The following CT83 variants were observed in gnomAD, a reference collection of about 807,000 sequenced individuals.
CT83 encodes kita-kyushu lung cancer antigen 1.
CT83 carries 3 observed loss-of-function variants against 1.7 expected under a neutral mutation model. The observed-to-expected ratio is 1.76, with a 90% CI of 0.80 to 4.55. CT83 has a LOEUF of 4.55. Among genes scored for constraint, CT83 ranks in the 30% most tolerant of loss-of-function variants. CT83 has a pLI of 0.02. For synonymous variants in CT83, 35 were observed against 33.0 expected, an observed-to-expected ratio of 1.06 and a Z score of -0.20; for missense variants, 80 against 84.8, an observed-to-expected ratio of 0.94 and a Z score of 0.22.
Position 116,461,819 on chromosome X carries a change from T to A in CT83, c.264A>T (p.Glu88Asp), listed in dbSNP as rs781803198. ...TATGTTCCAGTTCAACCAGCTTGTT[T>A]TCCACCATACTGAGGTTTACCAATA... ...KRILVNLSMV[E>D]NKLVELEHTL... The change falls in exon 2 of 2, where the codon GAA (glutamate) becomes GAT (aspartate). Residue 88 changes from glutamate to aspartate, a missense_variant. By Grantham distance (45) the Glu-to-Asp change is conservative (BLOSUM62 2). Transcript: ENST00000371894. The A allele has an allele frequency of 4.1e-5, 49 of 1,209,003 alleles. No homozygotes were observed. In the Admixed American group the frequency reaches 1.0e-3, roughly 25 times the overall value.
At chrX:116,462,445 GAA>G (rs1928086056) in intron 1 of CT83, among the ~76,000 whole-genome samples, 2 of 109,410 alleles carry the variant, frequency 1.8e-5, no homozygotes, top group Non-Finnish European at 3.9e-5. Flanking sequence ...AGCAAGAGAA[GAA>G]AGAGAGAAGG....
chrX:116,462,896 C>T lies in CT83; in HGVS notation c.-40G>A, dbSNP rs782423577. 7 of 1,178,080 alleles carry T rather than the reference C, an allele frequency of 5.9e-6. No individual in the cohort carries two copies. Among genetic ancestry groups the T allele is most frequent in the South Asian group, 1.8e-5 (1 of 56,022 alleles). On this transcript the variant is annotated 5_prime_UTR_variant, in exon 1 of 2. Coordinates refer to ENST00000371894, the MANE Select transcript of CT83 (RefSeq NM_001017978.4). ...CTCTTCTCCCTTCTCGGGACGGACCCCCTCAGCTGGTAGTTGGGAAGCAGT... is the reference window on the plus strand; with the variant it reads ...CTCTTCTCCCTTCTCGGGACGGACCTCCTCAGCTGGTAGTTGGGAAGCAGT...
At position 116,461,977 on chromosome X, in the gene CT83, T is replaced by G. The variant is rs1928075259; in HGVS notation, c.106A>C (p.Thr36Pro). 1.7e-6 allele frequency: 2 copies of G among 1,208,015 alleles called. No homozygotes were observed. Among genetic ancestry groups the G allele is most frequent in the African/African-American group, 3.5e-5 (2 of 57,062 alleles). Residue 36 changes from threonine to proline, a missense_variant, in exon 2 of 2, where the codon ACT becomes CCT. Transcript: ENST00000371894. ...GAGGGTCTCACTAGTGCAAGAGCAG[T>G]TGAATTTGATGACATTTCGCCAGTG... ...RNTGEMSSNS[T>P]ALALVRPSSS...
intron 1 of CT83, among the ~76,000 whole-genome samples, chrX:116,462,266 C>A (rs782155617): frequency 1.0e-3 from 114 of 111,237 alleles, no homozygotes; most frequent in Non-Finnish European, 1.7e-3. Context: ...GGAAAGCAGC[C>A]CAGTAGGTAA....
chrX:116,462,218 T>A (rs142934837), intron 1 of CT83, among the ~76,000 whole-genome samples: 45 of 111,700 alleles, frequency 4.0e-4, no homozygotes, highest in Non-Finnish European at 7.0e-4. Context: ...TAGCCGTTAG[T>A]GACAAAGTTC....
intron 1 of CT83, among the ~76,000 whole-genome samples, 153 bp downstream of exon 1, chrX:116,462,627 TAA>T (rs1569539891): frequency 9.0e-6 from 1 of 111,012 alleles, no homozygotes; most frequent in African/African-American, 3.3e-5. Context: ...GAGTAAGCGG[TAA>T]AAGTCTGGGG....
Position 116,461,834 on chromosome X carries a change from G to T in CT83, c.249C>A (p.Asn83Lys). The change falls in exon 2 of 2, where the codon AAC becomes AAA. Residue 83 changes from asparagine (N) to lysine (K), a missense_variant. By Grantham distance (94) the Asn-to-Lys change is moderately conservative. Transcript: ENST00000371894. ...SIARQKRILV[N>K]LSMVENKLVE... ...CCAGCTTGTTTTCCACCATACTGAG[G>T]TTTACCAATATTCGCTTCTGCCTGG... 2 of 1,210,604 alleles carry T rather than the reference G, an allele frequency of 1.7e-6. No homozygotes were observed. The highest frequency in any genetic ancestry group is 2.2e-6 in the Non-Finnish European group (2 of 894,811).
Position 116,462,807 on chromosome X carries a change from A to T in CT83, c.50T>A (p.Val17Asp), listed in dbSNP as rs782531009. The change falls in exon 1 of 2, where the codon GTC becomes GAC. Residue 17 changes from valine (V) to aspartate (D), a missense_variant. Coordinates refer to ENST00000371894, the MANE Select transcript of CT83 (RefSeq NM_001017978.4). The stretch of plus-strand genomic sequence containing the variant: ...CTGAAAGCGGCGATATTTCCAGAAG[A>T]CAATCAAGGCACACAGAATGCTGCT... ...LASSILCALI[V>D]FWKYRRFQRN... 33 of 1,210,017 alleles carry T rather than the reference A, an allele frequency of 2.7e-5. No individual in the cohort carries two copies. The highest frequency in any genetic ancestry group is 3.6e-5 in the Non-Finnish European group (32 of 895,114).
chrX:116,462,765 C>T lies in CT83; in HGVS notation c.75+17G>A, dbSNP rs1556695288. On this transcript the variant is annotated intron_variant, in intron 1 of 1. Transcript: ENST00000371894. ...CTAGCTTCATCTAATTCAAATCTCC[C>T]TTACATTCACCATTACCTGAAAGCG... 3 of 1,203,362 alleles carry T rather than the reference C, an allele frequency of 2.5e-6. No individual in the cohort carries two copies. In the Admixed American group the frequency reaches 6.6e-5, roughly 26 times the overall value.
Position 116,461,912 on chromosome X carries a change from A to G in CT83, c.171T>C (p.Leu57=). ...TATCCCGAGAGAGGTCGTAGACTGC[A>G]AGATTGTTGTCTGTATTGCTGTTAA... The part of the protein sequence containing the change: ...GLINSNTDNN[L]AVYDLSRDIL... Residue 57 remains leucine, a synonymous_variant, in exon 2 of 2, where the codon CTT becomes CTC. Coordinates refer to ENST00000371894, the MANE Select transcript of CT83 (RefSeq NM_001017978.4). 1 of 1,210,604 alleles carries G rather than the reference A, an allele frequency of 8.3e-7. No homozygotes were observed. The highest frequency in any genetic ancestry group is 1.7e-5 in the African/African-American group (1 of 57,720).
In CT83 at chrX:116,462,867, C is replaced by T. The variant is rs200634429; in HGVS notation, c.-11G>A. 1.3e-5 allele frequency: 16 copies of T among 1,206,276 alleles called. No homozygotes were observed. The East Asian group carries it at 1.5e-4, about 11-fold the overall frequency. On this transcript the variant is annotated 5_prime_UTR_variant, in exon 1 of 2. Transcript: ENST00000371894. ...TAAATAGAAGTTCATGTTTCCTCTTCGGCCTCTTCTCCCTTCTCGGGACGG... is the reference window on the plus strand; with the variant it reads ...TAAATAGAAGTTCATGTTTCCTCTTTGGCCTCTTCTCCCTTCTCGGGACGG...
rs1288793734 is a variant in CT83 at position 116,462,945 on chromosome X, G to A, written c.-89C>T. On this transcript the variant is annotated 5_prime_UTR_variant, in exon 1 of 2. Coordinates refer to ENST00000371894, the MANE Select transcript of CT83 (RefSeq NM_001017978.4). ...GTGGGCCTCTAGCCGCCTGGATTTG[G>A]GAAACTTTGGGCCAGGATGCCTGGT... 1 of 888,224 alleles carries A rather than the reference G, an allele frequency of 1.1e-6. No homozygotes were observed. Among genetic ancestry groups the A allele is most frequent in the African/African-American group, 2.0e-5 (1 of 50,852 alleles). 73.2% of individuals were successfully genotyped at this position (888,224 alleles called of 1,213,427 possible). A position where few individuals can be genotyped will look rare whatever the true frequency, so the allele number is the denominator to read the frequency against.
Position 116,462,009 on chromosome X carries a change from T to G in CT83, c.76-2A>C, listed in dbSNP as rs1928075986. Reference sequence around the variant, plus strand: ...TGATGACATTTCGCCAGTGTTTCTCTGTAAAGAAAGGGAATTATACATACG... The same window carrying G: ...TGATGACATTTCGCCAGTGTTTCTCGGTAAAGAAAGGGAATTATACATACG... On this transcript the variant is annotated splice_acceptor_variant, in intron 1 of 1. Transcript: ENST00000371894. LOFTEE classifies it high-confidence loss of function. The G allele has an allele frequency of 8.3e-7, 1 of 1,203,384 alleles. No individual in the cohort carries two copies. The highest frequency in any genetic ancestry group is 1.8e-5 in the African/African-American group (1 of 56,995).
Position 116,461,931 on chromosome X carries a change from C to A in CT83, c.152G>T (p.Ser51Ile). 1 of 1,207,897 alleles carries A rather than the reference C, an allele frequency of 8.3e-7. No individual in the cohort carries two copies. Among genetic ancestry groups the A allele is most frequent in the Non-Finnish European group, 1.1e-6 (1 of 892,112 alleles). ...VRPSSSGLINSNTDNNLAVYD... is the reference protein window; with the variant it reads ...VRPSSSGLININTDNNLAVYD... ...GACTGCAAGATTGTTGTCTGTATTG[C>A]TGTTAATTAACCCAGAAGAAGAGGG... is the stretch of plus-strand genomic sequence containing the variant. Residue 51 changes from serine to isoleucine, a missense_variant, in exon 2 of 2, where the codon AGC becomes ATC. Physicochemically the swap from Ser to Ile is moderately radical, Grantham distance 142 (BLOSUM62 -2). Transcript: ENST00000371894.
rs1556695195 is a variant in CT83 at position 116,461,729 on chromosome X, T to A, written c.*12A>T. Reference sequence around the variant, plus strand: ...AATGATTTCCACCACTGGCATTACATCCTGTACGCTTTTAGGTGGATTTCC... The same window carrying A: ...AATGATTTCCACCACTGGCATTACAACCTGTACGCTTTTAGGTGGATTTCC... On this transcript the variant is annotated 3_prime_UTR_variant, in exon 2 of 2. Transcript: ENST00000371894. The A allele has an allele frequency of 8.3e-7, 1 of 1,207,192 alleles. No individual in the cohort carries two copies. The highest frequency in any genetic ancestry group is 1.8e-5 in the African/African-American group (1 of 57,091).
Position 116,461,914 on chromosome X carries a change from G to C in CT83, c.169C>G (p.Leu57Val), listed in dbSNP as rs1335538795. 8.3e-7 allele frequency: 1 copy of C among 1,209,330 alleles called. No homozygotes were observed. Among genetic ancestry groups the C allele is most frequent in the African/African-American group, 1.7e-5 (1 of 57,726 alleles). Reference protein sequence around the residue: ...GLINSNTDNNLAVYDLSRDIL... With the variant: ...GLINSNTDNNVAVYDLSRDIL... ...TCCCGAGAGAGGTCGTAGACTGCAAGATTGTTGTCTGTATTGCTGTTAATT... is the reference window on the plus strand; with the variant it reads ...TCCCGAGAGAGGTCGTAGACTGCAACATTGTTGTCTGTATTGCTGTTAATT... Residue 57 changes from leucine to valine, a missense_variant, in exon 2 of 2, where the codon CTT (leucine) becomes GTT (valine). Coordinates refer to ENST00000371894, the MANE Select transcript of CT83 (RefSeq NM_001017978.4).
Position 116,462,788 on chromosome X carries a change from G to A in CT83, c.69C>T (p.Arg23=), listed in dbSNP as rs1928095138. The A allele has an allele frequency of 5.0e-6, 6 of 1,210,516 alleles. No homozygotes were observed. Among genetic ancestry groups the A allele is most frequent in the Non-Finnish European group, 6.7e-6 (6 of 894,384 alleles). Residue 23 remains arginine (R), a synonymous_variant, in exon 1 of 2, where the codon CGC becomes CGT. Transcript: ENST00000371894. ...CCCTTACATTCACCATTACCTGAAA[G>A]CGGCGATATTTCCAGAAGACAATCA... ...CALIVFWKYR[R]FQRNTGEMSS...
At position 116,461,926 on chromosome X, in the gene CT83, T is replaced by C. The variant is rs1556695227; in HGVS notation, c.157A>G (p.Thr53Ala). 3 of 1,207,980 alleles carry C rather than the reference T, an allele frequency of 2.5e-6. No individual in the cohort carries two copies. Among genetic ancestry groups the C allele is most frequent in the Non-Finnish European group, 3.4e-6 (3 of 892,067 alleles). The change falls in exon 2 of 2, where the codon ACA (threonine) becomes GCA (alanine). Residue 53 changes from threonine to alanine, a missense_variant. Physicochemically the swap from Thr to Ala is moderately conservative, Grantham distance 58 (BLOSUM62 0). Coordinates refer to ENST00000371894, the MANE Select transcript of CT83 (RefSeq NM_001017978.4). Reference sequence around the variant, plus strand: ...TCGTAGACTGCAAGATTGTTGTCTGTATTGCTGTTAATTAACCCAGAAGAA... The same window carrying C: ...TCGTAGACTGCAAGATTGTTGTCTGCATTGCTGTTAATTAACCCAGAAGAA... ...PSSSGLINSN[T>A]DNNLAVYDLS...
At position 116,461,742 on chromosome X, in the gene CT83, T is replaced by C. The variant is rs782058480; in HGVS notation, c.341A>G (p.Ter114=). 2 of 1,211,262 alleles carry C rather than the reference T, an allele frequency of 1.7e-6. No homozygotes were observed. The highest frequency in any genetic ancestry group is 2.2e-6 in the Non-Finnish European group (2 of 895,058). ...RGASPHRKST[*] is the part of the protein sequence containing the mutation. ...ACTGGCATTACATCCTGTACGCTTT[T>C]AGGTGGATTTCCGGTGAGGTGATGC... is the stretch of plus-strand genomic sequence containing the variant. Residue 114 remains the stop codon, a stop_retained_variant, in exon 2 of 2, where the codon TAA becomes TGA. Coordinates refer to ENST00000371894, the MANE Select transcript of CT83 (RefSeq NM_001017978.4).
Sources: gnomAD v4.1 joint callset for allele counts (sites outside exome capture counted in the v4.1 genomes callset) on GRCh38, gnomAD v4.1.1 for gene constraint, MANE v1.5 for transcripts, NCBI Gene and HGNC (gene_info 2026-07-23, HGNC 2026-07-21) for gene names.